TBL1Y: variants seen among roughly 807,000 people sequenced by gnomAD.
TBL1Y encodes F-box-like/WD repeat-containing protein TBL1Y.
Under a neutral mutation model 12.0 loss-of-function variants are expected in TBL1Y, and 15 were observed. That is an observed-to-expected ratio of 1.25 (90% CI 0.83 to 1.92). The LOEUF (loss-of-function observed/expected upper bound fraction) is 1.92, where lower values mean the gene tolerates loss of function less well. Ranked by LOEUF, TBL1Y falls within the 40% of genes most tolerant of loss-of-function variation. The probability of loss-of-function intolerance (pLI) is 0.00; values close to 1 mark genes in which losing one functional copy is unlikely to be tolerated. For synonymous variants in TBL1Y, 53 were observed against 42.6 expected (o/e 1.24, Z -0.95); for missense variants, 148 against 116.7 (o/e 1.27, Z -1.24).
At chrY:6,998,989 GCT>G (rs2012427796) in intron 4 of TBL1Y, among the ~76,000 whole-genome samples, 2 of 33,421 alleles carry the variant, frequency 6.0e-5, no homozygotes, top group African/African-American at 2.3e-4. Flanking sequence ...GTTGGTCTTG[GCT>G]CTCACAGCAC....
At chrY:6,933,220 T>C in intron 2 of TBL1Y, among the ~76,000 whole-genome samples, 1 of 33,661 alleles carries the variant, frequency 3.0e-5, no homozygotes, top group African/African-American at 1.2e-4. Context: ...TATTTTAGTG[T>C]TGTGTTTCCA....
intron 7 of TBL1Y, among the ~76,000 whole-genome samples, chrY:7,049,051 C>A: frequency 6.1e-5 from 2 of 32,682 alleles, no homozygotes; most frequent in Non-Finnish European, 1.5e-4. Context: ...CCACAACAGG[C>A]CCTGGTGTGT....
chrY:7,040,980 A>C, intron 6 of TBL1Y, among the ~76,000 whole-genome samples: 2 of 34,331 alleles, frequency 5.8e-5, no homozygotes, highest in Non-Finnish European at 1.5e-4. Context: ...ATATGCGAGA[A>C]GCATGAGACT....
intron 2 of TBL1Y, among the ~76,000 whole-genome samples, chrY:6,959,460 G>A (rs2012107275): frequency 3.1e-5 from 1 of 32,424 alleles, no homozygotes; most frequent in Non-Finnish European, 7.5e-5. Context: ...ATCATGGCCC[G>A]TTCTCGCTGG....
At chrY:6,948,895 A>G in intron 2 of TBL1Y, among the ~76,000 whole-genome samples, 1 of 31,192 alleles carries the variant, frequency 3.2e-5, no homozygotes, top group Non-Finnish European at 7.7e-5. Flanking sequence ...ACAGGCTTTA[A>G]TAAGTACAGA....
intron 7 of TBL1Y, among the ~76,000 whole-genome samples, chrY:7,043,603 G>A: frequency 3.0e-5 from 1 of 32,959 alleles, no homozygotes; most frequent in African/African-American, 1.2e-4. Context: ...ACCCCACTTT[G>A]TGTTAACACC....
intron 7 of TBL1Y, among the ~76,000 whole-genome samples, chrY:7,058,416 G>T: frequency 6.0e-5 from 2 of 33,110 alleles, no homozygotes; most frequent in African/African-American, 2.4e-4. Context: ...GACCCTCAGG[G>T]TGCCAGGCTT....
chrY:6,957,703 A>C, intron 2 of TBL1Y, among the ~76,000 whole-genome samples: 2 of 33,676 alleles, frequency 5.9e-5, no homozygotes, highest in Admixed American at 2.7e-4. Context: ...TAACCTACAC[A>C]TCTATCTAGA....
chrY:6,999,652 T>G (rs2012434599), intron 4 of TBL1Y, among the ~76,000 whole-genome samples: 1 of 28,524 alleles, frequency 3.5e-5, no homozygotes, highest in South Asian at 8.9e-4. Context: ...TTTTTTTTTT[T>G]TTTTTCCTTT....
chrY:7,049,280 T>C, intron 7 of TBL1Y, among the ~76,000 whole-genome samples: 7 of 33,951 alleles, frequency 2.1e-4, no homozygotes, highest in African/African-American at 6.9e-4. Context: ...CATTCTATCA[T>C]TGATAGACAT....
chrY:6,930,368 G>A, intron 2 of TBL1Y, among the ~76,000 whole-genome samples: 1 of 33,566 alleles, frequency 3.0e-5, no homozygotes, highest in South Asian at 6.7e-4. Context: ...CTGGGTGTTT[G>A]AGGTGCAAGA....
chrY:6,939,873 C>G (rs1603027316), intron 2 of TBL1Y, among the ~76,000 whole-genome samples: 6 of 29,271 alleles, frequency 2.0e-4, no homozygotes, highest in African/African-American at 4.1e-4. Context: ...TGGGATTTCT[C>G]CACATTGGTC....
chrY:7,086,480 T>C, intron 16 of TBL1Y, 63 bp downstream of exon 16: 1 of 335,821 alleles, frequency 3.0e-6, no homozygotes, highest in Non-Finnish European at 4.1e-6. Context: ...GAAATTTTGC[T>C]CAAGTGTGTC....
intron 7 of TBL1Y, among the ~76,000 whole-genome samples, chrY:7,058,701 G>A: frequency 2.9e-5 from 1 of 33,981 alleles, no homozygotes; most frequent in Non-Finnish European, 7.3e-5. Flanking sequence ...TTTTACAATA[G>A]CTATCTTGGT....
chrY:7,085,537 G>C, intron 14 of TBL1Y, among the ~76,000 whole-genome samples: 1 of 32,737 alleles, frequency 3.1e-5, no homozygotes, highest in East Asian at 8.0e-4. Flanking sequence ...AAGGAAGAGT[G>C]CGTACGAAAG....
intron 2 of TBL1Y, among the ~76,000 whole-genome samples, chrY:6,968,723 A>G: frequency 3.0e-5 from 1 of 33,025 alleles, no homozygotes. Context: ...CTTTTTCAGA[A>G]CATTTATTCT....
intron 2 of TBL1Y, among the ~76,000 whole-genome samples, chrY:6,971,480 A>G (rs2012206108): frequency 3.2e-5 from 1 of 30,786 alleles, no homozygotes; most frequent in Non-Finnish European, 7.7e-5. Context: ...TTGGTCCTAT[A>G]TCATATTCTC....
At chrY:6,984,364 A>C in intron 3 of TBL1Y, among the ~76,000 whole-genome samples, 5 of 33,102 alleles carry the variant, frequency 1.5e-4, no homozygotes, top group African/African-American at 2.4e-4. Context: ...CTCACCCCAG[A>C]TGGTTCAGCC....
At position 6,953,951 on chromosome Y, in the gene TBL1Y, C is replaced by T. The variant is rs749169439; in HGVS notation, c.-265-24262C>T. 8.8e-5 allele frequency among the ~76,000 whole-genome samples: 3 copies of T among 33,919 alleles called. No homozygotes were observed. The East Asian group carries it at 2.4e-3, about 27-fold the overall frequency. The allele number at this position is 33,919 out of a possible 37,273, so 91.0% of individuals were successfully genotyped here. A position where few individuals can be genotyped will look rare whatever the true frequency, so the allele number is the denominator to read the frequency against. On this transcript the variant is annotated intron_variant, in intron 2 of 18. Transcript: ENST00000383032. ...AGTTTGCTGGAGGTCCATTCCAGAC[C>T]CCGTTTGCCTGGGTATCAGTAGTGG...
Sources: gnomAD v4.1 joint callset for allele counts (sites outside exome capture counted in the v4.1 genomes callset) on GRCh38, gnomAD v4.1.1 for gene constraint, MANE v1.5 for transcripts, NCBI Gene and HGNC (gene_info 2026-07-23, HGNC 2026-07-21) for gene names.